The following UBE2N variants were observed in gnomAD, a reference collection of about 807,000 sequenced individuals.
UBE2N encodes ubiquitin-conjugating enzyme E2 N.
For synonymous variants in UBE2N, 70 were observed against 69.2 expected (o/e 1.01, Z -0.06); for missense variants, 60 against 192.1 (o/e 0.31, Z 4.07).
chr12:93,411,987 C>G (rs564532136), intron 1 of UBE2N, among the ~76,000 whole-genome samples: 1 of 152,164 alleles, frequency 6.6e-6, no homozygotes, highest in African/African-American at 2.4e-5. Context: ...CCAACACACT[C>G]GGCCAAAAAT....
chr12:93,441,828 G>A (rs769111720), intron 1 of UBE2N, 27 bp downstream of exon 1: 48 of 1,580,616 alleles, frequency 3.0e-5, no homozygotes, highest in South Asian at 2.8e-4. Flanking sequence ...GCAGAGCGAA[G>A]AGCTGGAGGC....
chr12:93,434,247 G>A (rs903141175), intron 1 of UBE2N, among the ~76,000 whole-genome samples: 3 of 152,176 alleles, frequency 2.0e-5, no homozygotes, highest in Non-Finnish European at 2.9e-5. Context: ...AGCCGAGTTC[G>A]TGCCACTGCA....
intron 1 of UBE2N, among the ~76,000 whole-genome samples, chr12:93,436,276 T>C (rs1878932027): frequency 6.6e-6 from 1 of 152,162 alleles, no homozygotes; most frequent in Admixed American, 6.5e-5. Flanking sequence ...ATTTTCATTT[T>C]ATCTTTTTGT....
At position 93,441,936 on chromosome 12, in the gene UBE2N, T is replaced by C. The variant is rs1879131804; in HGVS notation, c.-52A>G. The C allele has an allele frequency of 6.5e-7, 1 of 1,540,100 alleles. No individual in the cohort carries two copies. Among genetic ancestry groups the C allele is most frequent in the Non-Finnish European group, 8.7e-7 (1 of 1,144,960 alleles). On this transcript the variant is annotated 5_prime_UTR_variant, in exon 1 of 4. Transcript: ENST00000318066. Reference sequence around the variant, plus strand: ...GGTCTCGTCTCCGGCTCCTCTCGCCTCACGCACGAGTGGAAGTCCCGGGCT... The same window carrying C: ...GGTCTCGTCTCCGGCTCCTCTCGCCCCACGCACGAGTGGAAGTCCCGGGCT...
intron 1 of UBE2N, among the ~76,000 whole-genome samples, chr12:93,420,433 T>G (rs1220341617): frequency 1.3e-5 from 2 of 152,168 alleles, no homozygotes; most frequent in Non-Finnish European, 2.9e-5. Flanking sequence ...TACATCAGAA[T>G]GTATCTCAGG....
At chr12:93,439,313 C>A (rs1006841852) in intron 1 of UBE2N, among the ~76,000 whole-genome samples, 1 of 152,136 alleles carries the variant, frequency 6.6e-6, no homozygotes, top group African/African-American at 2.4e-5. Flanking sequence ...ATGGCGAAAC[C>A]CCGTCCCTAC....
intron 1 of UBE2N, among the ~76,000 whole-genome samples, chr12:93,411,514 A>G (rs546930228): frequency 6.6e-6 from 1 of 152,358 alleles, no homozygotes; most frequent in East Asian, 1.9e-4. Flanking sequence ...TGATGTTATC[A>G]TACATTTTGG....
intron 1 of UBE2N, among the ~76,000 whole-genome samples, chr12:93,431,795 A>G (rs1006127158): frequency 1.3e-5 from 2 of 152,186 alleles, no homozygotes; most frequent in Non-Finnish European, 2.9e-5. Context: ...CCCTGATTCT[A>G]TTATCCATCA....
chr12:93,417,666 G>T (rs190443710), intron 1 of UBE2N, among the ~76,000 whole-genome samples: 1 of 152,270 alleles, frequency 6.6e-6, no homozygotes, highest in Non-Finnish European at 1.5e-5. Context: ...AACAAGAGCT[G>T]TCTGATAACT....
intron 1 of UBE2N, among the ~76,000 whole-genome samples, chr12:93,424,061 T>C (rs1347074791): frequency 6.6e-6 from 1 of 152,204 alleles, no homozygotes; most frequent in Middle Eastern, 3.2e-3. Context: ...TGTTTTTTGT[T>C]GTTGTTGTTC....
chr12:93,410,603 A>C, intron 3 of UBE2N, 131 bp downstream of exon 3: 1 of 1,361,888 alleles, frequency 7.3e-7, no homozygotes, highest in South Asian at 1.4e-5. Flanking sequence ...GTATTTACAT[A>C]CTATAAGCAG....
Position 93,441,903 on chromosome 12 carries a change from C to A in UBE2N, c.-19G>T. 1.3e-6 allele frequency: 2 copies of A among 1,573,912 alleles called. No homozygotes were observed. The highest frequency in any genetic ancestry group is 1.7e-6 in the Non-Finnish European group (2 of 1,162,746). ...CGGCCATCTTGTCAGAACCCGAGTT[C>A]GGCCTCTGGTCTCGTCTCCGGCTCC... On this transcript the variant is annotated 5_prime_UTR_variant, in exon 1 of 4. Coordinates refer to ENST00000318066, the MANE Select transcript of UBE2N (RefSeq NM_003348.4).
In UBE2N at chr12:93,410,756, G is replaced by A. The variant is rs761246332; in HGVS notation, c.396C>T (p.Asn132=). Residue 132 remains asparagine (N), a synonymous_variant, in exon 3 of 4, where the codon AAC becomes AAT. Coordinates refer to ENST00000318066, the MANE Select transcript of UBE2N (RefSeq NM_003348.4). ...ANDVAEQWKT[N]EAQAIETARA... Reference sequence around the variant, plus strand: ...TACCTGTTTCTATGGCTTGGGCTTCGTTGGTCTTCCACTGCTCCGCTACAT... The same window carrying A: ...TACCTGTTTCTATGGCTTGGGCTTCATTGGTCTTCCACTGCTCCGCTACAT... 9.9e-6 allele frequency: 16 copies of A among 1,614,066 alleles called. No individual in the cohort carries two copies. Among genetic ancestry groups the A allele is most frequent in the Non-Finnish European group, 1.1e-5 (13 of 1,180,026 alleles).
intron 1 of UBE2N, among the ~76,000 whole-genome samples, chr12:93,420,076 A>T (rs940119716): frequency 6.6e-6 from 1 of 152,172 alleles, no homozygotes; most frequent in African/African-American, 2.4e-5. Context: ...TTTAAATCTC[A>T]AAATTTCTTA....
At chr12:93,433,268 G>GT in intron 1 of UBE2N, among the ~76,000 whole-genome samples, 1 of 152,056 alleles carries the variant, frequency 6.6e-6, no homozygotes, top group Non-Finnish European at 1.5e-5. Flanking sequence ...CCCCAATGGT[G>GT]TCATGTAGCC....
intron 1 of UBE2N, among the ~76,000 whole-genome samples, chr12:93,438,989 A>G (rs1879017180): frequency 6.6e-6 from 1 of 152,234 alleles, no homozygotes; most frequent in African/African-American, 2.4e-5. Flanking sequence ...GTCAGTTTCT[A>G]GACTGCAAAA....
chr12:93,433,826 C>T (rs928340513), intron 1 of UBE2N, among the ~76,000 whole-genome samples: 1 of 152,188 alleles, frequency 6.6e-6, no homozygotes, highest in Non-Finnish European at 1.5e-5. Flanking sequence ...GTTCAGAATC[C>T]ATACAACTTG....
At chr12:93,426,870 ATT>A (rs796688644) in intron 1 of UBE2N, among the ~76,000 whole-genome samples, 4 of 145,386 alleles carry the variant, frequency 2.8e-5, no homozygotes, top group African/African-American at 2.5e-5. Context: ...GCATCAGCAG[ATT>A]TTTTTTTTTT....
chr12:93,441,127 TGAAA>T (rs1486122743), intron 1 of UBE2N: 3 of 152,452 alleles, frequency 2.0e-5, no homozygotes, highest in Admixed American at 6.5e-5. Context: ...GGAACAGCTC[TGAAA>T]GAGTTTGCCA....
Sources: allele counts gnomAD v4.1 joint callset (sites outside exome capture counted in the v4.1 genomes callset), GRCh38; gene constraint gnomAD v4.1.1; transcripts MANE v1.5; gene names NCBI Gene and HGNC (gene_info 2026-07-23, HGNC 2026-07-21).